The following AK4 variants were observed in gnomAD, a reference collection of about 807,000 sequenced individuals.
The protein encoded by AK4 is adenylate kinase 4, mitochondrial.
Under a neutral mutation model 24.6 loss-of-function variants are expected in AK4, and 13 were observed. The ratio of observed to expected loss-of-function variants is 0.53; its 90% CI spans 0.34 to 0.84. The LOEUF (loss-of-function observed/expected upper bound fraction) is 0.84. AK4 is among the 40% of genes least tolerant of loss of function. The pLI, the probability that AK4 is intolerant of heterozygous loss-of-function variation, is 0.01. For synonymous variants in AK4, 88 were observed against 107.0 expected (o/e 0.82, Z 1.10); for missense variants, 192 against 288.2 (o/e 0.67, Z 2.42).
intron 1 of AK4, among the ~76,000 whole-genome samples, chr1:65,188,457 T>C (rs1157833843): frequency 1.3e-5 from 2 of 152,114 alleles, no homozygotes; most frequent in Non-Finnish European, 2.9e-5. Context: ...AGTAATATAA[T>C]TCCGCTTTGT....
intron 1 of AK4, among the ~76,000 whole-genome samples, chr1:65,151,170 G>A (rs549793295): frequency 3.9e-4 from 60 of 152,034 alleles, no homozygotes; most frequent in Non-Finnish European, 8.2e-4. Context: ...ACGAAGGTTC[G>A]AGGTCAGGCT....
intron 3 of AK4, among the ~76,000 whole-genome samples, chr1:65,223,768 G>A (rs996345512): frequency 9.9e-5 from 15 of 152,100 alleles, no homozygotes; most frequent in African/African-American, 3.1e-4. Context: ...GCCAAGGCAG[G>A]TGGATCACCT....
intron 1 of AK4, among the ~76,000 whole-genome samples, chr1:65,165,216 A>G (rs1650288911): frequency 1.3e-5 from 2 of 152,222 alleles, no homozygotes; most frequent in African/African-American, 4.8e-5. Context: ...TCTAGTGTCT[A>G]ACATACCTTG....
At chr1:65,179,504 C>T (rs1202865582) in intron 1 of AK4, among the ~76,000 whole-genome samples, 1 of 152,194 alleles carries the variant, frequency 6.6e-6, no homozygotes, top group Non-Finnish European at 1.5e-5. Context: ...CCCTAGACTT[C>T]ATAGATATTT....
intron 1 of AK4, among the ~76,000 whole-genome samples, chr1:65,177,533 G>A (rs935258598): frequency 7.2e-5 from 11 of 152,166 alleles, no homozygotes; most frequent in African/African-American, 2.7e-4. Flanking sequence ...TGACTTCCGC[G>A]TACCTATATG....
At chr1:65,222,201 A>G (rs1652319222) in intron 3 of AK4, among the ~76,000 whole-genome samples, 1 of 152,156 alleles carries the variant, frequency 6.6e-6, no homozygotes, top group Non-Finnish European at 1.5e-5. Context: ...ACCTTATTAT[A>G]CAAATGAACT....
rs376680869 is a variant in AK4 at position 65,170,133 on chromosome 1, T to G, written c.146-20577T>G. 9.2e-5 allele frequency among the ~76,000 whole-genome samples: 14 copies of G among 152,194 alleles called. No homozygotes were observed. The East Asian group carries it at 2.5e-3, about 27-fold the overall frequency. ...GGCTCACGCCTGTAATCCCAGCACTTTGGGAGGCGGAGGCGGGCGGATCAC... is the reference window on the plus strand; with the variant it reads ...GGCTCACGCCTGTAATCCCAGCACTGTGGGAGGCGGAGGCGGGCGGATCAC... On this transcript the variant is annotated intron_variant, in intron 1 of 4. Coordinates refer to ENST00000327299, the MANE Select transcript of AK4 (RefSeq NM_013410.4).
chr1:65,155,889 C>T (rs762012570), intron 1 of AK4, among the ~76,000 whole-genome samples: 1 of 152,118 alleles, frequency 6.6e-6, no homozygotes, highest in Non-Finnish European at 1.5e-5. Context: ...AGGCTGGTCT[C>T]GAACTCCTGA....
rs116062700 is a variant in AK4 at position 65,217,223 on chromosome 1, A to G, written c.266-1531A>G. Among the ~76,000 whole-genome samples, 837 of 152,320 alleles carry G rather than the reference A, an allele frequency of 5.5e-3. 9 individuals carry two copies. Among genetic ancestry groups the G allele is most frequent in the African/African-American group, 0.019 (775 of 41,572 alleles). ...TCACATTCAACTCAGTGAGCACTCA[A>G]ATCAGCTTGGCATTCACACAGACTT... On this transcript the variant is annotated intron_variant, in intron 2 of 4. Coordinates refer to ENST00000327299, the MANE Select transcript of AK4 (RefSeq NM_013410.4).
intron 3 of AK4, among the ~76,000 whole-genome samples, chr1:65,219,494 A>G (rs1204481314): frequency 5.9e-5 from 9 of 152,208 alleles, no homozygotes; most frequent in Non-Finnish European, 1.5e-5. Flanking sequence ...AAGCAAATGA[A>G]TGTCCATCTG....
intron 1 of AK4, among the ~76,000 whole-genome samples, chr1:65,177,336 TTAAA>T (rs1257813011): frequency 6.6e-6 from 1 of 152,186 alleles, no homozygotes; most frequent in Non-Finnish European, 1.5e-5. Flanking sequence ...AAAAATTATA[TTAAA>T]TAAGTTATAA....
At chr1:65,173,981 C>T (rs1268999839) in intron 1 of AK4, among the ~76,000 whole-genome samples, 2 of 152,148 alleles carry the variant, frequency 1.3e-5, no homozygotes, top group Non-Finnish European at 2.9e-5. Context: ...TCCTAAAAAC[C>T]TATCAGCCAT....
At chr1:65,205,495 A>G (rs1651785010) in intron 2 of AK4, among the ~76,000 whole-genome samples, 1 of 152,090 alleles carries the variant, frequency 6.6e-6, no homozygotes, top group South Asian at 2.1e-4. Flanking sequence ...CAGCTCTCCA[A>G]AGTACTTGGA....
rs1248048871 is a variant in AK4, at chr1:65,226,117, C to T, written c.612C>T (p.Pro204=). ...FSGTETNKIW[P]YVYTLFSNKI... is the part of the protein sequence containing the mutation. ...GAACGGAGACGAACAAAATCTGGCC[C>T]TACGTTTACACACTTTTCTCAAACA... is the stretch of plus-strand genomic sequence containing the variant. Residue 204 remains proline, a synonymous_variant, in exon 5 of 5, where the codon CCC becomes CCT. Transcript: ENST00000327299. 1.2e-5 allele frequency: 19 copies of T among 1,611,352 alleles called. No individual in the cohort carries two copies. The highest frequency in any genetic ancestry group is 6.6e-5 in the South Asian group (6 of 90,792).
At chr1:65,221,215 G>A (rs778596900) in intron 3 of AK4, among the ~76,000 whole-genome samples, 3 of 152,154 alleles carry the variant, frequency 2.0e-5, no homozygotes, top group Non-Finnish European at 2.9e-5. Context: ...GTGAACGCCA[G>A]TTTTGGGTGG....
intron 3 of AK4, among the ~76,000 whole-genome samples, chr1:65,219,176 G>A (rs1444300792): frequency 6.6e-6 from 1 of 151,118 alleles, no homozygotes; most frequent in Non-Finnish European, 1.5e-5. Context: ...ATTTATTACT[G>A]ATAAATATAT....
At chr1:65,183,478 G>A (rs896905677) in intron 1 of AK4, among the ~76,000 whole-genome samples, 2 of 151,974 alleles carry the variant, frequency 1.3e-5, no homozygotes, top group African/African-American at 4.8e-5. Flanking sequence ...TCCTGAGCTT[G>A]GGCAACCCAC....
At chr1:65,184,484 A>C (rs1047331324) in intron 1 of AK4, among the ~76,000 whole-genome samples, 2 of 152,118 alleles carry the variant, frequency 1.3e-5, no homozygotes, top group Non-Finnish European at 2.9e-5. Context: ...GGCACCCTAT[A>C]TTTATTACAT....
At chr1:65,156,270 G>T (rs1649981119) in intron 1 of AK4, among the ~76,000 whole-genome samples, 1 of 152,036 alleles carries the variant, frequency 6.6e-6, no homozygotes, top group Admixed American at 6.6e-5. Flanking sequence ...CTCCACAGGG[G>T]TATCTGCTTT....
Sources: allele counts gnomAD v4.1 joint callset (sites outside exome capture counted in the v4.1 genomes callset), GRCh38; gene constraint gnomAD v4.1.1; transcripts MANE v1.5; gene names NCBI Gene and HGNC (gene_info 2026-07-23, HGNC 2026-07-21).